ASTN2: variants seen among roughly 807,000 people sequenced by gnomAD.
ASTN2 encodes astrotactin-2.
A neutral mutation model predicts 139.8 loss-of-function variants in ASTN2; 54 were observed. That is an observed-to-expected ratio of 0.39 (90% CI 0.31 to 0.48). ASTN2 has a LOEUF of 0.48. Among genes scored for constraint, ASTN2 ranks in the 20% least tolerant of loss-of-function variants. The pLI, the probability that ASTN2 is intolerant of heterozygous loss-of-function variation, is 0.95. For missense variants in ASTN2, 1,565 were observed against 1,725.1 expected (o/e 0.91, Z 1.64); for synonymous variants, 756 against 719.5 (o/e 1.05, Z -0.81).
At chr9:116,687,377 G>T (rs1860302865) in intron 16 of ASTN2, 3 of 342,838 alleles carry the variant, frequency 8.8e-6, no homozygotes, top group Non-Finnish European at 1.2e-5. Flanking sequence ...GCCGCGGGCG[G>T]TCAGGTAGGG....
intron 7 of ASTN2, among the ~76,000 whole-genome samples, chr9:116,977,965 C>A (rs1487834610): frequency 6.6e-6 from 1 of 152,110 alleles, no homozygotes; most frequent in African/African-American, 2.4e-5. Context: ...GATCTGCCCA[C>A]CTCAGCCTCC....
At chr9:117,402,825 G>T (rs1830874027) in intron 1 of ASTN2, among the ~76,000 whole-genome samples, 1 of 152,026 alleles carries the variant, frequency 6.6e-6, no homozygotes, top group Admixed American at 6.6e-5. Flanking sequence ...AGGTCTCCAG[G>T]AAAAGAAAAC....
At chr9:117,245,204 C>T (rs1042901159) in intron 2 of ASTN2, among the ~76,000 whole-genome samples, 2 of 152,184 alleles carry the variant, frequency 1.3e-5, no homozygotes, top group African/African-American at 2.4e-5. Context: ...AAGACGAATG[C>T]ATCCATTTCA....
chr9:116,868,030 G>T (rs1188921972), intron 10 of ASTN2, among the ~76,000 whole-genome samples: 1 of 152,182 alleles, frequency 6.6e-6, no homozygotes, highest in African/African-American at 2.4e-5. Flanking sequence ...AGGCAGCAAA[G>T]AGATGAATGG....
At chr9:116,810,115 G>C (rs1831126229) in intron 12 of ASTN2, among the ~76,000 whole-genome samples, 1 of 152,126 alleles carries the variant, frequency 6.6e-6, no homozygotes, top group Admixed American at 6.5e-5. Flanking sequence ...GGTTGGGGGA[G>C]GGGGCTCATT....
At chr9:116,822,070 A>G (rs1831498403) in intron 11 of ASTN2, among the ~76,000 whole-genome samples, 1 of 152,038 alleles carries the variant, frequency 6.6e-6, no homozygotes, top group East Asian at 1.9e-4. Flanking sequence ...ATCACTGATT[A>G]AAATGCCTTC....
intron 10 of ASTN2, among the ~76,000 whole-genome samples, chr9:116,914,320 G>T (rs917104896): frequency 6.6e-6 from 1 of 151,920 alleles, no homozygotes; most frequent in Non-Finnish European, 1.5e-5. Context: ...CTGCAAAATG[G>T]GAATAGAATA....
At chr9:116,833,962 A>G (rs12339782) in intron 11 of ASTN2, among the ~76,000 whole-genome samples, 9,944 of 70,792 alleles carry the variant, frequency 0.14, 447 homozygotes, top group Non-Finnish European at 0.17. Flanking sequence ...CAAGCAAGGA[A>G]AAGGGAATTT....
intron 22 of ASTN2, among the ~76,000 whole-genome samples, chr9:116,435,694 A>C (rs1847629053): frequency 6.6e-6 from 1 of 152,154 alleles, no homozygotes; most frequent in Non-Finnish European, 1.5e-5. Context: ...AAACTTAGAA[A>C]CATTCTTTCT....
At chr9:117,101,431 G>A (rs1317612158) in intron 4 of ASTN2, among the ~76,000 whole-genome samples, 4 of 152,198 alleles carry the variant, frequency 2.6e-5, no homozygotes, top group African/African-American at 9.7e-5. Context: ...AGAATGGTTA[G>A]AGACTGGCAA....
intron 16 of ASTN2, chr9:116,697,884 C>G: frequency 6.2e-7 from 1 of 1,614,202 alleles, no homozygotes; most frequent in Non-Finnish European, 8.5e-7. Flanking sequence ...CCGCCAGTGC[C>G]TGGAGAAGCT....
At chr9:116,630,901 C>A (rs1273354049) in intron 17 of ASTN2, among the ~76,000 whole-genome samples, 1 of 151,742 alleles carries the variant, frequency 6.6e-6, no homozygotes, top group Non-Finnish European at 1.5e-5. Context: ...GGCAAGAGAG[C>A]TGAATAGACA....
intron 5 of ASTN2, among the ~76,000 whole-genome samples, chr9:117,078,534 A>G (rs1340600394): frequency 1.3e-5 from 2 of 152,220 alleles, no homozygotes; most frequent in African/African-American, 4.8e-5. Context: ...CAGGAAAGAC[A>G]TTACAGAATT....
chr9:117,304,620 T>C (rs993421698), intron 1 of ASTN2, among the ~76,000 whole-genome samples: 1 of 152,200 alleles, frequency 6.6e-6, no homozygotes, highest in African/African-American at 2.4e-5. Flanking sequence ...CAGTACTGCT[T>C]CAGGAGTGTA....
intron 22 of ASTN2, among the ~76,000 whole-genome samples, chr9:116,431,916 A>G (rs1847509207): frequency 6.6e-6 from 1 of 151,980 alleles, no homozygotes; most frequent in Non-Finnish European, 1.5e-5. Context: ...TTAAAATAAT[A>G]AAAAATGTAA....
intron 2 of ASTN2, among the ~76,000 whole-genome samples, chr9:117,276,663 C>T (rs1006885202): frequency 4.6e-5 from 7 of 152,064 alleles, no homozygotes; most frequent in Non-Finnish European, 8.8e-5. Context: ...TGTACCCCTG[C>T]AGAATTTTAG....
At chr9:116,893,159 T>TCACA (rs56263614) in intron 10 of ASTN2, among the ~76,000 whole-genome samples, 2,024 of 149,328 alleles carry the variant, frequency 0.014, 18 homozygotes, top group Non-Finnish European at 0.017. Context: ...TAAAGGTGTA[T>TCACA]CACACACACA....
chr9:116,634,604 A>T (rs1243821969), intron 17 of ASTN2, among the ~76,000 whole-genome samples: 1 of 151,182 alleles, frequency 6.6e-6, no homozygotes, highest in Non-Finnish European at 1.5e-5. Context: ...AAAAAAAAAA[A>T]AAAAAAAAAA....
chr9:117,311,459 T>C (rs1827974231), intron 1 of ASTN2, among the ~76,000 whole-genome samples: 2 of 152,224 alleles, frequency 1.3e-5, no homozygotes, highest in South Asian at 2.1e-4. Flanking sequence ...CATCCACTCT[T>C]TTTCTGGCCT....
Sources: gnomAD v4.1 joint callset for allele counts (sites outside exome capture counted in the v4.1 genomes callset) on GRCh38, gnomAD v4.1.1 for gene constraint, MANE v1.5 for transcripts, NCBI Gene and HGNC (gene_info 2026-07-23, HGNC 2026-07-21) for gene names.